CASQ1: variants seen among roughly 807,000 people sequenced by gnomAD.
CASQ1 encodes the protein calsequestrin-1.
A neutral mutation model predicts 49.5 loss-of-function variants in CASQ1; 40 were observed. The ratio of observed to expected loss-of-function variants is 0.81; its 90% CI spans 0.63 to 1.05. The LOEUF is 1.05. Among genes scored for constraint, CASQ1 ranks in the 50% least tolerant of loss-of-function variants. The probability of loss-of-function intolerance (pLI) is 0.00; values close to 1 mark genes in which losing one functional copy is unlikely to be tolerated. For missense variants in CASQ1, 469 were observed against 486.9 expected (o/e 0.96, Z 0.35); for synonymous variants, 174 against 187.2 (o/e 0.93, Z 0.58).
chr1:160,198,787 T>C, intron 8 of CASQ1, 56 bp downstream of exon 8: 2 of 1,501,566 alleles, frequency 1.3e-6, no homozygotes, highest in Non-Finnish European at 9.3e-7. Flanking sequence ...GTGGGTGTGT[T>C]TATTGGAGCA....
rs1654328837 is a variant in CASQ1, at chr1:160,199,830, T to C, written c.985-21T>C. On this transcript the variant is annotated intron_variant, in intron 9 of 10. Coordinates refer to ENST00000368078, the MANE Select transcript of CASQ1 (RefSeq NM_001231.5). ...TGCTCCCTAGTATCTATTAAGTTGCTGTATTTTGATCTCTCTACAGCTGGT... is the reference window on the plus strand; with the variant it reads ...TGCTCCCTAGTATCTATTAAGTTGCCGTATTTTGATCTCTCTACAGCTGGT... 29 of 1,540,996 alleles carry C rather than the reference T, an allele frequency of 1.9e-5. No homozygotes were observed. The East Asian group carries it at 6.3e-4, about 33-fold the overall frequency.
chr1:160,196,041 G>A lies in CASQ1; in HGVS notation c.782+14G>A. On this transcript the variant is annotated intron_variant, in intron 6 of 10. Transcript: ENST00000368078. Reference sequence around the variant, plus strand: ...GGAGCACAGGAGGTGGGGACCAAGGGCAACCCTCTCAGCGGGGTCGGCTCC... The same window carrying A: ...GGAGCACAGGAGGTGGGGACCAAGGACAACCCTCTCAGCGGGGTCGGCTCC... 1 of 1,613,086 alleles carries A rather than the reference G, an allele frequency of 6.2e-7. No individual in the cohort carries two copies. The highest frequency in any genetic ancestry group is 8.5e-7 in the Non-Finnish European group (1 of 1,179,478).
chr1:160,196,965 G>A (rs374919195), intron 6 of CASQ1, among the ~76,000 whole-genome samples: 72 of 152,276 alleles, frequency 4.7e-4, no homozygotes, highest in African/African-American at 1.6e-3. Context: ...TCTACAGTGC[G>A]CAGGACAGCC....
At chr1:160,194,473 C>T in intron 3 of CASQ1, among the ~76,000 whole-genome samples, 1 of 148,806 alleles carries the variant, frequency 6.7e-6, no homozygotes, top group East Asian at 2.0e-4. Flanking sequence ...TCCATACACA[C>T]CACACACAAC....
intron 9 of CASQ1, 128 bp downstream of exon 9, chr1:160,199,181 G>A (rs755277406): frequency 1.6e-5 from 11 of 684,816 alleles, no homozygotes; most frequent in Admixed American, 4.4e-5. Context: ...GAGGGTATGC[G>A]TGTTGCATGC....
intron 1 of CASQ1, 54 bp from the exon 2 acceptor site, chr1:160,192,748 T>C (rs1305679074): frequency 1.3e-5 from 19 of 1,469,550 alleles, no homozygotes; most frequent in East Asian, 2.3e-5. Context: ...AGAGGGAGAA[T>C]AGGGGATAAT....
chr1:160,191,370 C>G (rs1654071994), intron 1 of CASQ1, among the ~76,000 whole-genome samples: 1 of 152,094 alleles, frequency 6.6e-6, no homozygotes, highest in Non-Finnish European at 1.5e-5. Context: ...CAGGGGAGAA[C>G]AGCAGTGTAT....
At chr1:160,195,327 C>A in intron 4 of CASQ1, 134 bp from the exon 5 acceptor site, 1 of 853,292 alleles carries the variant, frequency 1.2e-6, no homozygotes, top group Non-Finnish European at 1.9e-6. Flanking sequence ...CCACCTTCCC[C>A]TCACTCTCGA....
chr1:160,194,962 G>C (rs1218526247), intron 3 of CASQ1, 50 bp from the exon 4 acceptor site: 7 of 1,177,158 alleles, frequency 5.9e-6, no homozygotes, highest in Non-Finnish European at 4.9e-6. Context: ...TCCCTTTCTG[G>C]TTCTACTTGA....
intron 7 of CASQ1, 54 bp downstream of exon 7, chr1:160,197,668 C>T (rs1654273958): frequency 3.1e-6 from 4 of 1,283,328 alleles, no homozygotes; most frequent in Non-Finnish European, 2.3e-6. Context: ...TGCCAGAAGA[C>T]TCAAGTCCTA....
Position 160,190,680 on chromosome 1 carries a change from A to G in CASQ1, c.-72A>G. The G allele has an allele frequency of 6.8e-7, 1 of 1,462,300 alleles. No homozygotes were observed. Among genetic ancestry groups the G allele is most frequent in the Non-Finnish European group, 9.3e-7 (1 of 1,075,432 alleles). 90.6% of individuals were successfully genotyped at this position (1,462,300 alleles called of 1,614,324 possible). Reference sequence around the variant, plus strand: ...TTGAGCCCCTAACTCAGAATCTGGGACCCAGGGGCCCCTCCCTACCCCAGC... The same window carrying G: ...TTGAGCCCCTAACTCAGAATCTGGGGCCCAGGGGCCCCTCCCTACCCCAGC... On this transcript the variant is annotated 5_prime_UTR_variant, in exon 1 of 11. Coordinates refer to ENST00000368078, the MANE Select transcript of CASQ1 (RefSeq NM_001231.5).
chr1:160,197,542 T>G, intron 6 of CASQ1, 27 bp from the exon 7 acceptor site: 1 of 1,583,742 alleles, frequency 6.3e-7, no homozygotes, highest in Non-Finnish European at 8.7e-7. Context: ...ACCCACTGAG[T>G]AATGACACTC....
Position 160,192,786 on chromosome 1 carries a change from T to TA in CASQ1, c.280-14dup. Reference sequence around the variant, plus strand: ...AAATTCCAGGGGCTAATTTTAATCATAATCCTTCCCTCCAGTTAGCAGCCC... The same window carrying TA: ...AAATTCCAGGGGCTAATTTTAATCATAAATCCTTCCCTCCAGTTAGCAGCCC... On this transcript the variant is annotated splice_polypyrimidine_tract_variant and intron_variant, in intron 1 of 10. Transcript: ENST00000368078. 2.5e-6 allele frequency: 4 copies of TA among 1,611,780 alleles called. No individual in the cohort carries two copies. Among genetic ancestry groups the TA allele is most frequent in the Non-Finnish European group, 2.5e-6 (3 of 1,177,988 alleles).
At chr1:160,196,162 A>C in intron 6 of CASQ1, 135 bp downstream of exon 6, 1 of 768,274 alleles carries the variant, frequency 1.3e-6, no homozygotes. Context: ...TTTGGGCACC[A>C]GTGCTCTCTG....
chr1:160,192,598 A>G, intron 1 of CASQ1: 1 of 577,546 alleles, frequency 1.7e-6, no homozygotes, highest in East Asian at 2.9e-5. Context: ...CAAATGAGCA[A>G]TCAATATTCA....
At chr1:160,201,030 G>T (rs975756458) in intron 10 of CASQ1, among the ~76,000 whole-genome samples, 3 of 152,160 alleles carry the variant, frequency 2.0e-5, no homozygotes, top group Non-Finnish European at 4.4e-5. Context: ...AAGGGAGAAG[G>T]TCTATTTGCC....
chr1:160,200,442 T>A (rs1003254044), intron 10 of CASQ1, among the ~76,000 whole-genome samples: 1 of 122,156 alleles, frequency 8.2e-6, no homozygotes, highest in African/African-American at 3.2e-5. Context: ...ATAAACTTTA[T>A]AATAACGATA....
intron 4 of CASQ1, 42 bp downstream of exon 4, chr1:160,195,165 C>T (rs766781871): frequency 8.0e-7 from 1 of 1,256,560 alleles, no homozygotes; most frequent in Non-Finnish European, 1.1e-6. Flanking sequence ...CTCTGGATCC[C>T]CATCTCACCT....
At chr1:160,197,200 G>A (rs1333463315) in intron 6 of CASQ1, among the ~76,000 whole-genome samples, 1 of 152,172 alleles carries the variant, frequency 6.6e-6, no homozygotes, top group East Asian at 1.9e-4. Flanking sequence ...ATCAAGGCAG[G>A]AACATGCTTG....
Sources: gnomAD v4.1 joint callset for allele counts (sites outside exome capture counted in the v4.1 genomes callset) on GRCh38, gnomAD v4.1.1 for gene constraint, MANE v1.5 for transcripts, NCBI Gene and HGNC (gene_info 2026-07-23, HGNC 2026-07-21) for gene names.